Variants in PLCXD3 observed in about 807,000 individuals in gnomAD.
The protein encoded by PLCXD3 is phosphatidylinositol specific phospholipase C X domain containing 3.
PLCXD3 carries 19 observed loss-of-function variants against 25.5 expected under a neutral mutation model. The observed-to-expected ratio is 0.75, with a 90% CI of 0.52 to 1.09. PLCXD3 has a LOEUF of 1.09. Ranked by LOEUF, PLCXD3 falls within the 50% of genes least tolerant of loss-of-function variation. PLCXD3 has a pLI of 0.00. For synonymous variants in PLCXD3, 174 were observed against 137.6 expected (o/e 1.26, Z -1.85); for missense variants, 411 against 388.1 (o/e 1.06, Z -0.50).
intron 1 of PLCXD3, among the ~76,000 whole-genome samples, chr5:41,397,306 A>G (rs528077833): frequency 4.3e-4 from 65 of 152,296 alleles, no homozygotes; most frequent in African/African-American, 1.5e-3. Flanking sequence ...CCCCAGCTCT[A>G]GCCATGGTTA....
intron 1 of PLCXD3, among the ~76,000 whole-genome samples, chr5:41,429,179 G>A (rs1387904249): frequency 6.6e-6 from 1 of 152,136 alleles, no homozygotes; most frequent in Non-Finnish European, 1.5e-5. Flanking sequence ...GTTACTTAGT[G>A]AAAATTTATA....
intron 1 of PLCXD3, among the ~76,000 whole-genome samples, chr5:41,507,744 A>G (rs1441603930): frequency 6.6e-6 from 1 of 152,240 alleles, no homozygotes; most frequent in Non-Finnish European, 1.5e-5. Context: ...TTCCCTCAAC[A>G]GAAACACTTG....
intron 2 of PLCXD3, among the ~76,000 whole-genome samples, chr5:41,315,722 G>A (rs1300695437): frequency 6.6e-6 from 1 of 152,182 alleles, no homozygotes; most frequent in Non-Finnish European, 1.5e-5. Flanking sequence ...GGCCTGTTGT[G>A]GAGAGCATCT....
intron 1 of PLCXD3, among the ~76,000 whole-genome samples, chr5:41,429,043 C>T (rs530144942): frequency 7.4e-4 from 113 of 152,132 alleles, no homozygotes; most frequent in Non-Finnish European, 1.3e-3. Context: ...TGGAAGTTTT[C>T]GCAATATTTA....
chr5:41,440,215 A>ATTTTTTTTTTTTTTTTTTTTTGTT (rs1747350415), intron 1 of PLCXD3, among the ~76,000 whole-genome samples: 1 of 41,062 alleles, frequency 2.4e-5, no homozygotes, highest in African/African-American at 1.0e-4. Context: ...TAATCTCTCA[A>ATTTTTTTTTTTTTTTTTTTTTGTT]TTTTTTTTTT....
At chr5:41,377,990 T>C (rs554151707) in intron 2 of PLCXD3, among the ~76,000 whole-genome samples, 8 of 152,202 alleles carry the variant, frequency 5.3e-5, no homozygotes, top group South Asian at 2.1e-4. Context: ...AAGAACTTAC[T>C]ACACCTTTTG....
chr5:41,384,095 T>C (rs1745566065), intron 1 of PLCXD3, among the ~76,000 whole-genome samples: 1 of 152,134 alleles, frequency 6.6e-6, no homozygotes, highest in Non-Finnish European at 1.5e-5. Context: ...TGATTTCCTT[T>C]TTCAAAAACT....
At chr5:41,463,016 G>A (rs769199563) in intron 1 of PLCXD3, among the ~76,000 whole-genome samples, 1 of 151,974 alleles carries the variant, frequency 6.6e-6, no homozygotes, top group Non-Finnish European at 1.5e-5. Flanking sequence ...CAGTGGGAGG[G>A]CACCAGCTAG....
At chr5:41,476,077 T>A (rs767417580) in intron 1 of PLCXD3, among the ~76,000 whole-genome samples, 1 of 152,216 alleles carries the variant, frequency 6.6e-6, no homozygotes, top group Non-Finnish European at 1.5e-5. Context: ...AACCCCATCA[T>A]AAATCCAGGC....
chr5:41,343,448 T>C (rs1171029051), intron 2 of PLCXD3, among the ~76,000 whole-genome samples: 2 of 152,116 alleles, frequency 1.3e-5, no homozygotes, highest in South Asian at 2.1e-4. Context: ...GAATTACTAG[T>C]AGGCAAAAGG....
Position 41,444,012 on chromosome 5 carries a change from T to C in PLCXD3, c.104-61478A>G, listed in dbSNP as rs533544624. Among the ~76,000 whole-genome samples the C allele has an allele frequency of 1.7e-4, 26 of 152,350 alleles. No homozygotes were observed. The South Asian group carries it at 5.4e-3, about 32-fold the overall frequency. ...CTTTTAAATGGGAAAATTAGTGAAG[T>C]ACAAATCAATCTGTGGATATACTTT... On this transcript the variant is annotated intron_variant, in intron 1 of 2. Transcript: ENST00000377801.
rs563639908 is a variant in PLCXD3, at chr5:41,473,269, T to G, written c.103+37155A>C. ...CATCTTGGGCCTTTAATGAATCAAT[T>G]TGCAATCACTTTTGTGCTAAGATTT... On this transcript the variant is annotated intron_variant, in intron 1 of 2. Transcript: ENST00000377801. Among the ~76,000 whole-genome samples, 6 of 152,174 alleles carry G rather than the reference T, an allele frequency of 3.9e-5. No homozygotes were observed. In the East Asian group the frequency reaches 1.2e-3, roughly 29 times the overall value.
intron 2 of PLCXD3, among the ~76,000 whole-genome samples, chr5:41,369,170 A>G (rs1745021387): frequency 6.6e-6 from 1 of 152,180 alleles, no homozygotes; most frequent in Non-Finnish European, 1.5e-5. Context: ...GAACGGCAGT[A>G]GAGTCAAATT....
At chr5:41,479,510 T>C (rs1041126929) in intron 1 of PLCXD3, among the ~76,000 whole-genome samples, 13 of 152,188 alleles carry the variant, frequency 8.5e-5, no homozygotes, top group East Asian at 5.8e-4. Context: ...ATATTTTACC[T>C]TGATAAAAAA....
At chr5:41,397,732 A>T (rs139572999) in intron 1 of PLCXD3, among the ~76,000 whole-genome samples, 3 of 152,274 alleles carry the variant, frequency 2.0e-5, no homozygotes, top group African/African-American at 7.2e-5. Flanking sequence ...TGGGGGCTGT[A>T]CTCTGCAGAG....
chr5:41,461,911 T>C (rs943468095), intron 1 of PLCXD3, among the ~76,000 whole-genome samples: 16 of 151,960 alleles, frequency 1.1e-4, no homozygotes, highest in Non-Finnish European at 1.3e-4. Flanking sequence ...CAATTTTAAT[T>C]TAGGTATCAA....
At chr5:41,452,814 C>G (rs1004310822) in intron 1 of PLCXD3, among the ~76,000 whole-genome samples, 15 of 152,032 alleles carry the variant, frequency 9.9e-5, no homozygotes, top group African/African-American at 3.6e-4. Context: ...GCTCCCATAG[C>G]TAACTCTAGT....
intron 1 of PLCXD3, among the ~76,000 whole-genome samples, chr5:41,460,521 C>A (rs968042581): frequency 9.2e-5 from 14 of 151,902 alleles, no homozygotes; most frequent in African/African-American, 3.4e-4. Flanking sequence ...ACATTTATAG[C>A]AGAGTACCTG....
chr5:41,408,287 G>A (rs1161906919), intron 1 of PLCXD3, among the ~76,000 whole-genome samples: 1 of 152,178 alleles, frequency 6.6e-6, no homozygotes, highest in Non-Finnish European at 1.5e-5. Flanking sequence ...GAGGTATTAA[G>A]GTAATACAGA....
Sources: gnomAD v4.1 joint callset for allele counts (sites outside exome capture counted in the v4.1 genomes callset) on GRCh38, gnomAD v4.1.1 for gene constraint, MANE v1.5 for transcripts, NCBI Gene and HGNC (gene_info 2026-07-23, HGNC 2026-07-21) for gene names.